TMEM175: variants seen among roughly 807,000 people sequenced by gnomAD.
TMEM175 encodes endosomal/lysosomal proton channel TMEM175.
Under a neutral mutation model 36.5 loss-of-function variants are expected in TMEM175, and 36 were observed. That is an observed-to-expected ratio of 0.99 (90% confidence interval 0.76 to 1.30). The LOEUF (loss-of-function observed/expected upper bound fraction) is 1.30, where lower values mean the gene tolerates loss of function less well. TMEM175 is among the 50% of genes most tolerant of loss of function. The probability of loss-of-function intolerance (pLI) is 0.00; values close to 1 mark genes in which losing one functional copy is unlikely to be tolerated. For missense variants in TMEM175, 705 were observed against 692.8 expected (o/e 1.02, Z -0.20); for synonymous variants, 339 against 313.4 (o/e 1.08, Z -0.86).
At chr4:956,231 AC>A (rs1344417342) in intron 10 of TMEM175, 2 of 1,080,240 alleles carry the variant, frequency 1.9e-6, no homozygotes, top group African/African-American at 3.3e-5. Context: ...CCCAGGCCTC[AC>A]CCCTGCCCCA....
chr4:954,907 GTC>G (rs1234775612), intron 8 of TMEM175, among the ~76,000 whole-genome samples: 1 of 152,170 alleles, frequency 6.6e-6, no homozygotes, highest in Non-Finnish European at 1.5e-5. Flanking sequence ...TTGGAGCAAT[GTC>G]TGTTCTCATC....
In TMEM175 at chr4:957,834, G is replaced by A. The variant is rs200183497; in HGVS notation, c.853G>A (p.Val285Ile). 3.0e-4 allele frequency: 475 copies of A among 1,608,466 alleles called. No homozygotes were observed. The highest frequency in any genetic ancestry group is 5.8e-4 in the East Asian group (26 of 44,810). ...LLILDICEDNVPDPKDVKERF... is the reference protein window; with the variant it reads ...LLILDICEDNIPDPKDVKERF... ...ATTCACTGTTCTCAGCGAAGACAAC[G>A]TCCCGGACCCCAAGGATGTGAAGGA... is the stretch of plus-strand genomic sequence containing the variant. The change falls in exon 11 of 11, where the codon GTC (valine) becomes ATC (isoleucine). Residue 285 changes from valine to isoleucine, a missense_variant. Coordinates refer to ENST00000264771, the MANE Select transcript of TMEM175 (RefSeq NM_032326.4).
chr4:955,613 C>G, intron 9 of TMEM175, 130 bp downstream of exon 9: 1 of 1,441,766 alleles, frequency 6.9e-7, no homozygotes, highest in African/African-American at 1.4e-5. Context: ...TCCCCCACTC[C>G]GCCCCTCGGG....
At chr4:957,323 A>AG (rs1291461625) in intron 10 of TMEM175, among the ~76,000 whole-genome samples, 1 of 151,992 alleles carries the variant, frequency 6.6e-6, no homozygotes, top group African/African-American at 2.4e-5. Context: ...AGCCCTGACA[A>AG]GGGGGTTCCC....
Position 934,343 on chromosome 4 carries a change from G to C in TMEM175, c.-32+1803G>C, listed in dbSNP as rs181727375. Among the ~76,000 whole-genome samples the C allele has an allele frequency of 3.5e-4, 54 of 152,362 alleles. 1 individual carries two copies. Among genetic ancestry groups the C allele is most frequent in the Non-Finnish European group, 1.2e-4 (8 of 68,036 alleles). On this transcript the variant is annotated intron_variant, in intron 1 of 10. Transcript: ENST00000264771. ...CAGTGAAGGAGGAAGAAAACCAAGA[G>C]AGTGTCGTAACAGAGCCAAGGAACG... is the stretch of plus-strand genomic sequence containing the variant.
At chr4:953,717 G>A (rs1016435318) in intron 8 of TMEM175, among the ~76,000 whole-genome samples, 1 of 152,236 alleles carries the variant, frequency 6.6e-6, no homozygotes, top group Non-Finnish European at 1.5e-5. Context: ...GCAAGATCTC[G>A]CTGTGTCACC....
At chr4:951,118 T>C in intron 4 of TMEM175, 89 bp from the exon 5 acceptor site, 1 of 1,258,212 alleles carries the variant, frequency 7.9e-7, no homozygotes, top group Non-Finnish European at 1.2e-6. Context: ...TTAATGATGT[T>C]TTAACCAGAA....
chr4:944,501 TC>T (rs1218582898), intron 1 of TMEM175, among the ~76,000 whole-genome samples: 2 of 152,092 alleles, frequency 1.3e-5, no homozygotes, highest in Non-Finnish European at 2.9e-5. Context: ...CCCCACCTGC[TC>T]CCCGCCCCTC....
chr4:951,082 T>A (rs1577427738), intron 4 of TMEM175, 125 bp from the exon 5 acceptor site: 2 of 969,766 alleles, frequency 2.1e-6, no homozygotes, highest in South Asian at 2.8e-5. Flanking sequence ...AGGTAGTAGT[T>A]TATATTTGGT....
chr4:938,198 A>G (rs1278455378), intron 1 of TMEM175, among the ~76,000 whole-genome samples: 1 of 152,228 alleles, frequency 6.6e-6, no homozygotes, highest in Non-Finnish European at 1.5e-5. Flanking sequence ...AGCCAACGTG[A>G]TGAGGCAAGA....
chr4:932,590 G>A lies in TMEM175; in HGVS notation c.-32+50G>A, dbSNP rs1726115181. The A allele has an allele frequency of 2.5e-6, 1 of 395,348 alleles. No homozygotes were observed. The highest frequency in any genetic ancestry group is 4.5e-5 in the Admixed American group (1 of 22,108). 24.5% of individuals were successfully genotyped at this position (395,348 alleles called of 1,614,324 possible). ...CCCGGTACCGTTCCCCACATGGTCT[G>A]TTTTGTGGGAGGCTCCTTCTCAGGT... On this transcript the variant is annotated intron_variant, in intron 1 of 10. Coordinates refer to ENST00000264771, the MANE Select transcript of TMEM175 (RefSeq NM_032326.4). This position sits in a 1 kb window ranked among gnomAD's most constrained non-coding sequence, Gnocchi z 4.0.
chr4:953,444 G>C lies in TMEM175; in HGVS notation c.627+90G>C, dbSNP rs531282317. On this transcript the variant is annotated intron_variant, in intron 8 of 10. Transcript: ENST00000264771. ...CGCTGAGCAACAAACACGGGGGTGGGGGCAGAGCGCAGACAGGCAGGGGTT... is the reference window on the plus strand; with the variant it reads ...CGCTGAGCAACAAACACGGGGGTGGCGGCAGAGCGCAGACAGGCAGGGGTT... The C allele has an allele frequency of 8.0e-4, 1,166 of 1,453,514 alleles. 1 individual carries two copies. The highest frequency in any genetic ancestry group is 9.8e-4 in the South Asian group (72 of 73,626). The allele number at this position is 1,453,514 out of a possible 1,614,324, so 90.0% of individuals were successfully genotyped here. A position where few individuals can be genotyped will look rare whatever the true frequency, so the allele number is the denominator to read the frequency against.
At position 948,121 on chromosome 4, in the gene TMEM175, G is replaced by C; in HGVS notation, c.159G>C (p.Leu53=). The change falls in exon 3 of 11, where the codon CTG becomes CTC. Residue 53 remains leucine (L), a synonymous_variant. Coordinates refer to ENST00000264771, the MANE Select transcript of TMEM175 (RefSeq NM_032326.4). ...CTGTCTCTTTGCCCCCTCAGATCCT[G>C]CCTGTGACCCACACGGAGATCTCCC... ...LLSIIATVMI[L]PVTHTEISPE... is the part of the protein sequence containing the mutation. The C allele has an allele frequency of 6.2e-7, 1 of 1,614,104 alleles. No homozygotes were observed. Among genetic ancestry groups the C allele is most frequent in the Non-Finnish European group, 8.5e-7 (1 of 1,180,022 alleles).
intron 1 of TMEM175, among the ~76,000 whole-genome samples, chr4:935,888 C>T (rs926245732): frequency 1.3e-5 from 2 of 152,068 alleles, no homozygotes; most frequent in Admixed American, 1.3e-4. Flanking sequence ...TATATTTTTT[C>T]AACTCACTTT....
chr4:955,932 A>C (rs547555946), intron 10 of TMEM175, 42 bp downstream of exon 10: 3 of 1,601,666 alleles, frequency 1.9e-6, no homozygotes, highest in Non-Finnish European at 2.6e-6. Flanking sequence ...CAGGTGGCCA[A>C]TGTGTCTTGA....
chr4:957,040 C>G (rs993560414), intron 10 of TMEM175: 1 of 154,438 alleles, frequency 6.5e-6, no homozygotes, highest in East Asian at 1.9e-4. Context: ...AGGGACCTGC[C>G]GAAGAGAGGC....
chr4:956,210 T>C, intron 10 of TMEM175: 1 of 925,010 alleles, frequency 1.1e-6, no homozygotes, highest in Non-Finnish European at 1.5e-6. Flanking sequence ...CAGCCATGGG[T>C]ATCCCCCTGC....
intron 1 of TMEM175, among the ~76,000 whole-genome samples, chr4:933,571 A>C (rs891661772): frequency 6.6e-6 from 1 of 152,190 alleles, no homozygotes; most frequent in Non-Finnish European, 1.5e-5. Flanking sequence ...TCAATATTGG[A>C]CCCAAAATGA....
intron 6 of TMEM175, chr4:951,947 C>T: frequency 1.7e-6 from 1 of 602,370 alleles, no homozygotes; most frequent in Non-Finnish European, 2.9e-6. Flanking sequence ...TCCCAGCTCC[C>T]ACCCGGCCCT....
Sources: gnomAD v4.1 joint callset for allele counts (sites outside exome capture counted in the v4.1 genomes callset) on GRCh38, gnomAD v4.1.1 for gene constraint, Gnocchi (gnomAD v3.1) non-coding constraint, MANE v1.5 for transcripts, NCBI Gene and HGNC (gene_info 2026-07-23, HGNC 2026-07-21) for gene names.